The following EVI5 variants were observed in gnomAD, a reference collection of about 807,000 sequenced individuals.
EVI5 encodes the protein ecotropic viral integration site 5 protein homolog.
Under a neutral mutation model 112.0 loss-of-function variants are expected in EVI5, and 73 were observed. The observed-to-expected ratio is 0.65, with a 90% CI of 0.54 to 0.79. EVI5 has a LOEUF of 0.79. EVI5 is among the 30% of genes least tolerant of loss of function. EVI5 has a pLI of 0.00. For missense variants in EVI5, 900 were observed against 968.8 expected (o/e 0.93, Z 0.94); for synonymous variants, 305 against 319.9 (o/e 0.95, Z 0.50).
intron 13 of EVI5, among the ~76,000 whole-genome samples, chr1:92,656,923 C>G (rs556157055): frequency 6.6e-6 from 1 of 152,252 alleles, no homozygotes; most frequent in South Asian, 2.1e-4. Flanking sequence ...AGCCCAGGAT[C>G]AGATGAATTC....
At chr1:92,544,632 A>G (rs1665376232) in intron 19 of EVI5, among the ~76,000 whole-genome samples, 1 of 152,088 alleles carries the variant, frequency 6.6e-6, no homozygotes, top group Admixed American at 6.5e-5. Flanking sequence ...TAATAAGTAG[A>G]AGGAGATGAA....
rs1661603486 is a variant in EVI5, at chr1:92,649,191, T to G, written c.1393-12855A>C. On this transcript the variant is annotated intron_variant, in intron 13 of 19. Transcript: ENST00000684568. ...ATATCTTCTTTGGAGAAAAGTCCAC[T>G]CAAGTCTTTTGCCCACTTTATAACT... Among the ~76,000 whole-genome samples the G allele has an allele frequency of 3.9e-5, 6 of 152,210 alleles. No homozygotes were observed. In the South Asian group the frequency reaches 1.2e-3, roughly 32 times the overall value.
At position 92,636,324 on chromosome 1, in the gene EVI5, A is replaced by T; in HGVS notation, c.1405T>A (p.Ser469Thr). Residue 469 changes from serine to threonine, a missense_variant, in exon 14 of 20, where the codon TCC becomes ACC. By Grantham distance (58) the Ser-to-Thr change is moderately conservative (BLOSUM62 1). Transcript: ENST00000684568. ...AGCACAAAATCTTCGTTGTAGTTGGAACTGCATTTATGCTAAAGGTTACAG... is the reference window on the plus strand; with the variant it reads ...AGCACAAAATCTTCGTTGTAGTTGGTACTGCATTTATGCTAAAGGTTACAG... ...QHQQQWHKCS[S>T]NYNEDFVLQL... 2 of 1,613,636 alleles carry T rather than the reference A, an allele frequency of 1.2e-6. No individual in the cohort carries two copies. Among genetic ancestry groups the T allele is most frequent in the Non-Finnish European group, 8.5e-7 (1 of 1,179,650 alleles).
At chr1:92,746,666 A>G (rs1679290646) in intron 1 of EVI5, among the ~76,000 whole-genome samples, 1 of 152,092 alleles carries the variant, frequency 6.6e-6, no homozygotes, top group African/African-American at 2.4e-5. Flanking sequence ...GCCAAGGCAG[A>G]AGGACTGCTT....
chr1:92,666,443 AGGCTGAGGTGGGAGGCTGGGAGGTGGG>A (rs1380343213), intron 10 of EVI5, among the ~76,000 whole-genome samples: 1 of 86,262 alleles, frequency 1.2e-5, no homozygotes, highest in African/African-American at 4.5e-5. Flanking sequence ...GCTACCTGGG[AGGCTGAGGTGGGAGGCTGGGAGGTGGG>A]GGCTGAGGTG....
At chr1:92,642,101 A>G (rs938442465) in intron 13 of EVI5, among the ~76,000 whole-genome samples, 1 of 152,146 alleles carries the variant, frequency 6.6e-6, no homozygotes, top group Non-Finnish European at 1.5e-5. Context: ...ACTGCACTCC[A>G]GCCTGGGCAA....
At chr1:92,611,131 A>AAAC (rs1046820385) in intron 16 of EVI5, among the ~76,000 whole-genome samples, 8 of 151,528 alleles carry the variant, frequency 5.3e-5, no homozygotes, top group African/African-American at 1.9e-4. Context: ...ATCCCCCCAA[A>AAAC]AAAAAGAAAT....
intron 18 of EVI5, among the ~76,000 whole-genome samples, chr1:92,594,082 A>C (rs1429842601): frequency 6.6e-6 from 1 of 152,180 alleles, no homozygotes; most frequent in Non-Finnish European, 1.5e-5. Context: ...GTTCATATGG[A>C]ACCAAAAAAG....
intron 19 of EVI5, among the ~76,000 whole-genome samples, chr1:92,533,013 T>TG (rs199936305): frequency 3.3e-5 from 5 of 149,794 alleles, no homozygotes; most frequent in Admixed American, 6.6e-5. Flanking sequence ...TTTTTTTTTT[T>TG]GGAAAAGATC....
intron 14 of EVI5, among the ~76,000 whole-genome samples, chr1:92,629,345 T>C (rs1004725572): frequency 3.9e-5 from 6 of 152,226 alleles, no homozygotes; most frequent in African/African-American, 1.4e-4. Flanking sequence ...ATCAGGTTTT[T>C]GGATTCAGTA....
chr1:92,784,411 A>G, intron 1 of EVI5: 2 of 985,304 alleles, frequency 2.0e-6, no homozygotes, highest in Non-Finnish European at 2.4e-6. Context: ...GAGGCCAAGT[A>G]AAGACGCCAA....
At chr1:92,745,650 C>CA (rs767008941) in intron 1 of EVI5, among the ~76,000 whole-genome samples, 5 of 151,504 alleles carry the variant, frequency 3.3e-5, no homozygotes, top group Non-Finnish European at 5.9e-5. Flanking sequence ...CTCATCTCTA[C>CA]AAAAAAAATT....
chr1:92,694,136 C>T (rs1244846081), intron 8 of EVI5, among the ~76,000 whole-genome samples, 163 bp downstream of exon 8: 1 of 151,890 alleles, frequency 6.6e-6, no homozygotes, highest in Non-Finnish European at 1.5e-5. Context: ...GTGGTGCATG[C>T]TTGTAATTCC....
At chr1:92,523,211 T>C (rs936958466) in intron 19 of EVI5, among the ~76,000 whole-genome samples, 3 of 152,114 alleles carry the variant, frequency 2.0e-5, no homozygotes, top group African/African-American at 4.8e-5. Flanking sequence ...TATTATGGAA[T>C]ATTTTTTTAA....
chr1:92,656,657 AAG>A lies in EVI5; in HGVS notation c.1392+6060_1392+6061del, dbSNP rs1663044082. 2.6e-5 allele frequency among the ~76,000 whole-genome samples: 4 copies of A among 152,250 alleles called. No homozygotes were observed. In the South Asian group the frequency reaches 8.3e-4, roughly 32 times the overall value. On this transcript the variant is annotated intron_variant, in intron 13 of 19. Transcript: ENST00000684568. Reference sequence around the variant, plus strand: ...AATATACTGCTCAATTAACCAAGAAAAGAGAGAAGACCCAAATTAACAAGTGA... The same window carrying A: ...AATATACTGCTCAATTAACCAAGAAAAGAGAAGACCCAAATTAACAAGTGA...
intron 1 of EVI5, chr1:92,792,325 C>T (rs1409945143): frequency 6.5e-7 from 1 of 1,528,078 alleles, no homozygotes. Flanking sequence ...TAAAATCAAA[C>T]ATCGTTTTAC....
intron 2 of EVI5, among the ~76,000 whole-genome samples, chr1:92,711,928 CATAAG>C (rs1672909771): frequency 6.6e-6 from 1 of 152,132 alleles, no homozygotes; most frequent in Admixed American, 6.5e-5. Context: ...GCAAGTTTGG[CATAAG>C]ATAAGGACCC....
chr1:92,698,933 T>C (rs1486570187), intron 5 of EVI5, among the ~76,000 whole-genome samples: 4 of 152,208 alleles, frequency 2.6e-5, no homozygotes, highest in Non-Finnish European at 5.9e-5. Context: ...TTCAGAATAC[T>C]TAGGCAAATA....
intron 12 of EVI5, among the ~76,000 whole-genome samples, 154 bp downstream of exon 12, chr1:92,663,266 A>C (rs1572173029): frequency 6.6e-6 from 1 of 152,342 alleles, no homozygotes; most frequent in East Asian, 1.9e-4. Flanking sequence ...GTTACAAAAA[A>C]TTAAATTTAT....
Sources: allele counts gnomAD v4.1 joint callset (sites outside exome capture counted in the v4.1 genomes callset), GRCh38; gene constraint gnomAD v4.1.1; transcripts MANE v1.5; gene names NCBI Gene and HGNC (gene_info 2026-07-23, HGNC 2026-07-21).